The following ANKRD31 variants were observed in gnomAD, a reference collection of about 807,000 sequenced individuals.
ANKRD31 encodes the protein ankyrin repeat domain 31.
Under a neutral mutation model 186.0 loss-of-function variants are expected in ANKRD31, and 147 were observed. The observed-to-expected ratio is 0.79, with a 90% CI of 0.69 to 0.91. The LOEUF (loss-of-function observed/expected upper bound fraction) is 0.91, where lower values mean the gene tolerates loss of function less well. ANKRD31 is among the 40% of genes least tolerant of loss of function. The pLI is 0.00. For synonymous variants in ANKRD31, 673 were observed against 736.4 expected (o/e 0.91, Z 1.39); for missense variants, 1,986 against 2,148.8 (o/e 0.92, Z 1.50).
intron 25 of ANKRD31, among the ~76,000 whole-genome samples, chr5:75,071,741 G>A (rs1342943170): frequency 6.6e-6 from 1 of 151,916 alleles, no homozygotes; most frequent in Non-Finnish European, 1.5e-5. Context: ...CAGGTGATCT[G>A]CCCACCTCGG....
chr5:75,182,663 G>A (rs979793663), intron 10 of ANKRD31, among the ~76,000 whole-genome samples: 9 of 151,388 alleles, frequency 5.9e-5, no homozygotes, highest in African/African-American at 2.2e-4. Flanking sequence ...AGGTTTCAGT[G>A]AGCCGAGATA....
At chr5:75,212,484 T>G (rs2150290591) in intron 3 of ANKRD31, among the ~76,000 whole-genome samples, 1 of 151,928 alleles carries the variant, frequency 6.6e-6, no homozygotes, top group South Asian at 2.1e-4. Context: ...AACAACAAAT[T>G]AGCCAGGCAT....
intron 10 of ANKRD31, among the ~76,000 whole-genome samples, chr5:75,177,531 T>A (rs1177197787): frequency 6.6e-6 from 1 of 151,952 alleles, no homozygotes; most frequent in Non-Finnish European, 1.5e-5. Context: ...TAACAGTGGA[T>A]CTCTTGGCAG....
At chr5:75,225,977 C>T (rs545668331) in intron 2 of ANKRD31, among the ~76,000 whole-genome samples, 3 of 152,152 alleles carry the variant, frequency 2.0e-5, no homozygotes, top group Non-Finnish European at 4.4e-5. Flanking sequence ...CACAAGCTGA[C>T]TGAAGAGCCC....
chr5:75,182,750 T>C (rs942978068), intron 10 of ANKRD31, among the ~76,000 whole-genome samples: 1 of 151,226 alleles, frequency 6.6e-6, no homozygotes, highest in African/African-American at 2.4e-5. Context: ...AAATGTCTAC[T>C]ATAGAAATGA....
At chr5:75,098,143 C>A (rs1746488854) in intron 22 of ANKRD31, among the ~76,000 whole-genome samples, 1 of 152,078 alleles carries the variant, frequency 6.6e-6, no homozygotes, top group South Asian at 2.1e-4. Flanking sequence ...CAGGCGCCCA[C>A]CACCATGCCC....
chr5:75,157,238 A>T (rs1220029029), intron 11 of ANKRD31, among the ~76,000 whole-genome samples: 1 of 152,182 alleles, frequency 6.6e-6, no homozygotes, highest in African/African-American at 2.4e-5. Context: ...ACAAGTTTTT[A>T]GAAGCTGGAG....
At chr5:75,069,177 A>AT (rs2149991242) in intron 25 of ANKRD31, among the ~76,000 whole-genome samples, 1 of 152,230 alleles carries the variant, frequency 6.6e-6, no homozygotes, top group African/African-American at 2.4e-5. Flanking sequence ...CTGAGATGTG[A>AT]GAGGAGTGAT....
chr5:75,155,276 A>G (rs912920496), intron 11 of ANKRD31, among the ~76,000 whole-genome samples: 3 of 152,044 alleles, frequency 2.0e-5, no homozygotes, highest in African/African-American at 7.3e-5. Flanking sequence ...GTATGTATGT[A>G]TATATACATA....
rs1561409437 is a variant in ANKRD31 at position 75,091,391 on chromosome 5, TG to T, written c.5341del (p.His1781ThrfsTer7). 1.3e-6 allele frequency: 2 copies of T among 1,535,670 alleles called. No individual in the cohort carries two copies. The highest frequency in any genetic ancestry group is 1.7e-6 in the Non-Finnish European group (2 of 1,146,468). On this transcript the variant is annotated frameshift_variant, in exon 23 of 26. Transcript: ENST00000506364. LOFTEE classifies it high-confidence loss of function. The part of the protein sequence containing the change: ...ILEFKTQETT[H>X]KASILLNGKL... ...ACCATTCAATAAAATACTGGCTTTG[TG>T]GGTAGTCTCCTGAAGTGAAAAATAA...
intron 12 of ANKRD31, among the ~76,000 whole-genome samples, chr5:75,150,634 A>G (rs1273147300): frequency 1.3e-5 from 2 of 151,940 alleles, no homozygotes; most frequent in Admixed American, 6.6e-5. Context: ...CTTTACATGA[A>G]AGAAATTTCA....
At chr5:75,095,111 C>A (rs1031507117) in intron 22 of ANKRD31, among the ~76,000 whole-genome samples, 1 of 152,094 alleles carries the variant, frequency 6.6e-6, no homozygotes, top group African/African-American at 2.4e-5. Context: ...CTTTCAATAA[C>A]GTATGGTAGT....
intron 18 of ANKRD31, 77 bp from the exon 19 acceptor site, chr5:75,116,758 G>A: frequency 2.8e-6 from 2 of 709,604 alleles, no homozygotes; most frequent in Admixed American, 7.1e-5. Context: ...AATGTGATGG[G>A]GATGAGAAGG....
chr5:75,075,535 T>A (rs893595999), intron 25 of ANKRD31, among the ~76,000 whole-genome samples: 2 of 152,202 alleles, frequency 1.3e-5, no homozygotes, highest in Non-Finnish European at 1.5e-5. Flanking sequence ...TAATACTCAA[T>A]ATACTCACTG....
chr5:75,124,771 G>C (rs4704176), intron 17 of ANKRD31, among the ~76,000 whole-genome samples: 76,679 of 151,436 alleles, frequency 0.51, 22,340 homozygotes, highest in African/African-American at 0.82. Context: ...CAAATAATGT[G>C]TATACATGGA....
chr5:75,188,256 C>A (rs900662485), intron 10 of ANKRD31, among the ~76,000 whole-genome samples: 1 of 152,154 alleles, frequency 6.6e-6, no homozygotes, highest in Admixed American at 6.5e-5. Context: ...CTGCACATAA[C>A]CCACCTGGCA....
intron 15 of ANKRD31, among the ~76,000 whole-genome samples, chr5:75,142,510 T>A (rs1289901008): frequency 5.9e-5 from 9 of 152,148 alleles, no homozygotes; most frequent in Non-Finnish European, 1.3e-4. Context: ...CTATACCTTT[T>A]TGGAAAAAAT....
chr5:75,171,875 G>C (rs1048579157), intron 10 of ANKRD31, among the ~76,000 whole-genome samples: 1 of 151,126 alleles, frequency 6.6e-6, no homozygotes, highest in African/African-American at 2.4e-5. Flanking sequence ...TTAAATGTTA[G>C]ACAAATTCAT....
intron 3 of ANKRD31, among the ~76,000 whole-genome samples, chr5:75,218,588 C>A (rs1004872060): frequency 6.6e-6 from 1 of 152,070 alleles, no homozygotes; most frequent in Non-Finnish European, 1.5e-5. Context: ...ATCCCCAACT[C>A]ATTCTAGGAG....
Sources: gnomAD v4.1 joint callset for allele counts (sites outside exome capture counted in the v4.1 genomes callset) on GRCh38, gnomAD v4.1.1 for gene constraint, MANE v1.5 for transcripts, NCBI Gene and HGNC (gene_info 2026-07-23, HGNC 2026-07-21) for gene names.